MON2: variants seen among roughly 807,000 people sequenced by gnomAD.
The protein encoded by MON2 is MON2 regulator of endosome-to-Golgi trafficking.
Under a neutral mutation model 208.6 loss-of-function variants are expected in MON2, and 84 were observed. The observed-to-expected ratio is 0.40, with a 90% CI of 0.34 to 0.48. The LOEUF (loss-of-function observed/expected upper bound fraction) is 0.48, where lower values mean the gene tolerates loss of function less well. Among genes scored for constraint, MON2 ranks in the 20% least tolerant of loss-of-function variants. The pLI, the probability that MON2 is intolerant of heterozygous loss-of-function variation, is 0.59. For synonymous variants in MON2, 660 were observed against 694.0 expected, an observed-to-expected ratio of 0.95 and a Z score of 0.77; for missense variants, 1,611 against 2,015.4, an observed-to-expected ratio of 0.80 and a Z score of 3.84.
At position 62,580,275 on chromosome 12, in the gene MON2, G is replaced by C. The variant is rs1275580004; in HGVS notation, c.4576-22G>C. 1.9e-6 allele frequency: 3 copies of C among 1,600,308 alleles called. No individual in the cohort carries two copies. In the African/African-American group the frequency reaches 4.0e-5, roughly 22 times the overall value. On this transcript the variant is annotated intron_variant, in intron 31 of 34. Coordinates refer to ENST00000393630, the MANE Select transcript of MON2 (RefSeq NM_015026.3). The stretch of plus-strand genomic sequence containing the variant: ...CTCTTTCAAAGAAAACAATACATTT[G>C]CATTTGCCTCTTTTGTTTTAGGTAG...
intron 11 of MON2, among the ~76,000 whole-genome samples, chr12:62,531,572 GTCCT>G (rs902113500): frequency 1.4e-4 from 21 of 152,148 alleles, no homozygotes; most frequent in African/African-American, 4.6e-4. Flanking sequence ...CAGATTTATT[GTCCT>G]TCCTTCTGAA....
chr12:62,565,445 C>T lies in MON2; in HGVS notation c.4176+65C>T. The T allele has an allele frequency of 2.2e-6, 3 of 1,348,090 alleles. No homozygotes were observed. In the South Asian group the frequency reaches 4.1e-5, roughly 18 times the overall value. The allele number at this position is 1,348,090 out of a possible 1,614,324, so 83.5% of individuals were successfully genotyped here. A position where few individuals can be genotyped will look rare whatever the true frequency, so the allele number is the denominator to read the frequency against. On this transcript the variant is annotated intron_variant, in intron 27 of 34. Transcript: ENST00000393630. ...TGGCTTATAAATACAGATAGTTCCA[C>T]TTAAGATGGACTTTGATTATCTCGG...
chr12:62,578,425 C>G lies in MON2; in HGVS notation c.4515-20C>G. 7.9e-7 allele frequency: 1 copy of G among 1,260,200 alleles called. No homozygotes were observed. The highest frequency in any genetic ancestry group is 1.4e-5 in the South Asian group (1 of 71,322). The allele number at this position is 1,260,200 out of a possible 1,614,324, so 78.1% of individuals were successfully genotyped here. A position where few individuals can be genotyped will look rare whatever the true frequency, so the allele number is the denominator to read the frequency against. On this transcript the variant is annotated intron_variant, in intron 30 of 34. Transcript: ENST00000393630. The stretch of plus-strand genomic sequence containing the variant: ...CAGGGAATATTTTATCTTTAAAAAT[C>G]AAGTGTTTTTTTTTTTTAGCATACC...
rs869193690 is a variant in MON2, at chr12:62,557,962, A to ATTT, written c.3409+1797_3409+1799dup. Among the ~76,000 whole-genome samples, 44 of 20,876 alleles carry ATTT rather than the reference A, an allele frequency of 2.1e-3. 2 individuals carry two copies. The highest frequency in any genetic ancestry group is 9.3e-3 in the East Asian group (4 of 432). 13.7% of individuals were successfully genotyped at this position (20,876 alleles called of 152,430 possible). On this transcript the variant is annotated intron_variant, in intron 25 of 34. Coordinates refer to ENST00000393630, the MANE Select transcript of MON2 (RefSeq NM_015026.3). ...TATATATATATATATATATATATAT[A>ATTT]TTTTTTTTTTTTTTTTTTTTTTTTT... is the stretch of plus-strand genomic sequence containing the variant.
At chr12:62,508,527 T>A in intron 8 of MON2, 47 bp downstream of exon 8, 1 of 1,562,958 alleles carries the variant, frequency 6.4e-7, no homozygotes, top group Non-Finnish European at 8.8e-7. Flanking sequence ...TTGCATGTTG[T>A]GCCCTTTGTA....
At position 62,543,156 on chromosome 12, in the gene MON2, A is replaced by G. The variant is rs749152919; in HGVS notation, c.2424A>G (p.Arg808=). Residue 808 remains arginine (R), a synonymous_variant, in exon 20 of 35, where the codon CGA becomes CGG. Transcript: ENST00000393630. ...AAACTGGTTTAGTTAATATGCACCG[A>G]ATAGAAATTCTGTGGAGACCTCTGA... ...LLETGLVNMH[R]IEILWRPLTG... The G allele has an allele frequency of 6.4e-7, 1 of 1,574,520 alleles. No homozygotes were observed. The highest frequency in any genetic ancestry group is 8.6e-7 in the Non-Finnish European group (1 of 1,165,244).
intron 21 of MON2, 33 bp from the exon 22 acceptor site, chr12:62,546,864 C>T: frequency 6.6e-7 from 1 of 1,523,510 alleles, no homozygotes; most frequent in Middle Eastern, 1.8e-4. Flanking sequence ...TTTTGGACTT[C>T]TCTTCCTAAT....
intron 32 of MON2, among the ~76,000 whole-genome samples, chr12:62,581,097 C>T (rs1314259742): frequency 6.6e-6 from 1 of 152,208 alleles, no homozygotes; most frequent in Admixed American, 6.5e-5. Flanking sequence ...GAAAAAATTG[C>T]TCACAATCTT....
In MON2 at chr12:62,552,956, C is replaced by G; in HGVS notation, c.2992C>G (p.Gln998Glu). 2 of 1,614,108 alleles carry G rather than the reference C, an allele frequency of 1.2e-6. No individual in the cohort carries two copies. The highest frequency in any genetic ancestry group is 1.7e-6 in the Non-Finnish European group (2 of 1,179,988). ...ACTAAATAAGGAAGAGGCAGCACAG[C>G]AAAAGCAGGCAGAAGAGAAAGGAGT... The part of the protein sequence containing the change: ...KELNKEEAAQ[Q>E]KQAEEKGVVL... The change falls in exon 24 of 35, where the codon CAA becomes GAA. Residue 998 changes from glutamine (Q) to glutamate (E), a missense_variant. Coordinates refer to ENST00000393630, the MANE Select transcript of MON2 (RefSeq NM_015026.3).
chr12:62,477,884 T>A (rs532619426), intron 1 of MON2, among the ~76,000 whole-genome samples: 1 of 152,268 alleles, frequency 6.6e-6, no homozygotes, highest in East Asian at 1.9e-4. Context: ...CATATGAAAT[T>A]TGAGGTGTGG....
intron 7 of MON2, among the ~76,000 whole-genome samples, chr12:62,504,369 C>T (rs535990772): frequency 1.5e-4 from 23 of 151,558 alleles, no homozygotes; most frequent in Non-Finnish European, 2.8e-4. Context: ...CTCAGCCTCC[C>T]GAGTAGTTGG....
Position 62,538,299 on chromosome 12 carries a change from A to G in MON2, c.2247A>G (p.Ile749Met), listed in dbSNP as rs1281867616. Residue 749 changes from isoleucine to methionine, a missense_variant, in exon 18 of 35, where the codon ATA (isoleucine) becomes ATG (methionine). Physicochemically the swap from Ile to Met is conservative, Grantham distance 10. Transcript: ENST00000393630. Reference sequence around the variant, plus strand: ...CAGATTTACCAGTGATTTCCAATATACTTTCAAGATTGTTTGAAAGCTCAC... The same window carrying G: ...CAGATTTACCAGTGATTTCCAATATGCTTTCAAGATTGTTTGAAAGCTCAC... ...VMTDLPVISN[I>M]LSRLFESSQY... The G allele has an allele frequency of 1.2e-6, 2 of 1,613,168 alleles. No individual in the cohort carries two copies. Among genetic ancestry groups the G allele is most frequent in the Non-Finnish European group, 1.7e-6 (2 of 1,179,322 alleles).
chr12:62,500,899 G>A lies in MON2; in HGVS notation c.663+19G>A. On this transcript the variant is annotated intron_variant, in intron 6 of 34. Coordinates refer to ENST00000393630, the MANE Select transcript of MON2 (RefSeq NM_015026.3). The stretch of plus-strand genomic sequence containing the variant: ...TTTCCAGGTATTTTAGTTGATAAAA[G>A]TAATTTTTATTCTAAAATATAGTTT... 1.5e-6 allele frequency: 2 copies of A among 1,372,694 alleles called. No homozygotes were observed. Among genetic ancestry groups the A allele is most frequent in the Non-Finnish European group, 2.0e-6 (2 of 999,336 alleles). 85.0% of individuals were successfully genotyped at this position (1,372,694 alleles called of 1,614,324 possible).
intron 1 of MON2, among the ~76,000 whole-genome samples, chr12:62,474,181 C>T (rs554907313): frequency 6.6e-6 from 1 of 150,386 alleles, no homozygotes; most frequent in South Asian, 2.1e-4. Flanking sequence ...TGCAATGGTG[C>T]GATCTCAGCT....
intron 19 of MON2, among the ~76,000 whole-genome samples, chr12:62,541,396 A>G (rs1220210544): frequency 6.6e-6 from 1 of 151,792 alleles, no homozygotes; most frequent in African/African-American, 2.4e-5. Context: ...AAAAAAAGAT[A>G]AAGCTTGCAA....
intron 30 of MON2, among the ~76,000 whole-genome samples, chr12:62,572,661 G>A (rs1025702688): frequency 2.0e-5 from 3 of 152,144 alleles, no homozygotes; most frequent in African/African-American, 7.2e-5. Flanking sequence ...TTGCCTAGGT[G>A]TCTTGAACTA....
chr12:62,534,962 T>G (rs2072897790), intron 13 of MON2, 36 bp downstream of exon 13: 2 of 1,334,452 alleles, frequency 1.5e-6, no homozygotes, highest in Non-Finnish European at 2.0e-6. Context: ...TTGAACTGTG[T>G]CAGTTAAAAA....
chr12:62,524,376 C>T (rs1461643106), intron 8 of MON2, 139 bp from the exon 9 acceptor site: 6 of 613,432 alleles, frequency 9.8e-6, no homozygotes, highest in African/African-American at 1.8e-5. Flanking sequence ...CTCTGTTTCT[C>T]CACTCCCCAT....
At position 62,587,143 on chromosome 12, in the gene MON2, C is replaced by T. The variant is rs1002254550; in HGVS notation, c.4908-931C>T. 3.9e-5 allele frequency among the ~76,000 whole-genome samples: 6 copies of T among 152,266 alleles called. No homozygotes were observed. The East Asian group carries it at 7.7e-4, about 20-fold the overall frequency. ...TTTATGAGGAGAAAGAAGGGAATCA[C>T]GCTACTCTTGTTGACTCTTTACTCC... On this transcript the variant is annotated intron_variant, in intron 33 of 34. Coordinates refer to ENST00000393630, the MANE Select transcript of MON2 (RefSeq NM_015026.3).
Sources: allele counts gnomAD v4.1 joint callset (sites outside exome capture counted in the v4.1 genomes callset), GRCh38; gene constraint gnomAD v4.1.1; transcripts MANE v1.5; gene names NCBI Gene and HGNC (gene_info 2026-07-23, HGNC 2026-07-21).